BRINP3: variants seen among roughly 807,000 people sequenced by gnomAD.
The protein encoded by BRINP3 is BMP/retinoic acid-inducible neural-specific protein 3.
BRINP3 carries 19 observed loss-of-function variants against 71.0 expected under a neutral mutation model. That is an observed-to-expected ratio of 0.27 (90% CI 0.19 to 0.39). The LOEUF (loss-of-function observed/expected upper bound fraction) is 0.39. BRINP3 is among the 10% of genes least tolerant of loss of function. The pLI, the probability that BRINP3 is intolerant of heterozygous loss-of-function variation, is 1.00. For synonymous variants in BRINP3, 380 were observed against 337.7 expected (o/e 1.13, Z -1.37); for missense variants, 959 against 940.8 (o/e 1.02, Z -0.25).
chr1:190,476,366 G>A (rs1465067222), intron 1 of BRINP3, among the ~76,000 whole-genome samples: 1 of 152,116 alleles, frequency 6.6e-6, no homozygotes, highest in African/African-American at 2.4e-5. Context: ...AGGGCGGGGG[G>A]CGGATGTTCA....
chr1:190,206,862 A>C (rs1179977826), intron 6 of BRINP3, among the ~76,000 whole-genome samples: 1 of 152,100 alleles, frequency 6.6e-6, no homozygotes, highest in Non-Finnish European at 1.5e-5. Flanking sequence ...AAAGCAAAGA[A>C]GATATGATAG....
intron 7 of BRINP3, among the ~76,000 whole-genome samples, chr1:190,147,404 T>A (rs1304728853): frequency 1.3e-5 from 2 of 152,128 alleles, no homozygotes; most frequent in African/African-American, 4.8e-5. Flanking sequence ...AGTTGATTAT[T>A]CTATTAATTT....
chr1:190,338,489 G>T (rs1667436685), intron 2 of BRINP3, among the ~76,000 whole-genome samples: 1 of 151,928 alleles, frequency 6.6e-6, no homozygotes. Context: ...TAGTTTATTT[G>T]TACCGGCACT....
intron 3 of BRINP3, among the ~76,000 whole-genome samples, chr1:190,280,917 T>C (rs548737100): frequency 2.6e-5 from 4 of 152,048 alleles, no homozygotes; most frequent in Admixed American, 2.0e-4. Flanking sequence ...AAAGGTCATT[T>C]AAGTATATTC....
At chr1:190,327,430 TAAC>T (rs1182184093) in intron 2 of BRINP3, among the ~76,000 whole-genome samples, 2 of 73,340 alleles carry the variant, frequency 2.7e-5, no homozygotes, top group African/African-American at 1.0e-4. Context: ...TCACACATAA[TAAC>T]AACCATAGGC....
intron 4 of BRINP3, among the ~76,000 whole-genome samples, chr1:190,254,099 G>A (rs1558113154): frequency 6.6e-6 from 1 of 151,976 alleles, no homozygotes; most frequent in Non-Finnish European, 1.5e-5. Flanking sequence ...CTATTTCTGA[G>A]GCCTCTGTTC....
chr1:190,408,007 T>G (rs1029969269), intron 2 of BRINP3, among the ~76,000 whole-genome samples: 12 of 146,954 alleles, frequency 8.2e-5, no homozygotes, highest in Non-Finnish European at 1.8e-4. Context: ...GTACTTTCTT[T>G]TCTACATTTG....
chr1:190,340,643 G>A (rs1230593808), intron 2 of BRINP3, among the ~76,000 whole-genome samples: 3 of 151,746 alleles, frequency 2.0e-5, no homozygotes, highest in African/African-American at 7.2e-5. Flanking sequence ...TGGCTATAAT[G>A]AGTAACACCA....
chr1:190,376,303 G>A (rs1341772180), intron 2 of BRINP3, among the ~76,000 whole-genome samples: 6 of 151,932 alleles, frequency 3.9e-5, no homozygotes, highest in East Asian at 1.9e-4. Flanking sequence ...TATCTAGAAC[G>A]TTCAATGCAG....
chr1:190,158,830 G>T (rs1448006034), intron 7 of BRINP3, among the ~76,000 whole-genome samples: 1 of 151,414 alleles, frequency 6.6e-6, no homozygotes. Flanking sequence ...ATGAAAATGA[G>T]GTTGAAAAAC....
At chr1:190,196,862 T>C in intron 6 of BRINP3, among the ~76,000 whole-genome samples, 1 of 151,608 alleles carries the variant, frequency 6.6e-6, no homozygotes, top group East Asian at 1.9e-4. Context: ...TTAACATTGA[T>C]ATTTCTCCTT....
At chr1:190,175,494 C>A (rs1487078076) in intron 6 of BRINP3, among the ~76,000 whole-genome samples, 1 of 152,130 alleles carries the variant, frequency 6.6e-6, no homozygotes, top group Non-Finnish European at 1.5e-5. Flanking sequence ...ACTAGACTCT[C>A]AATTTCCAGG....
At chr1:190,413,748 C>G (rs1342850432) in intron 2 of BRINP3, among the ~76,000 whole-genome samples, 1 of 152,048 alleles carries the variant, frequency 6.6e-6, no homozygotes, top group Non-Finnish European at 1.5e-5. Flanking sequence ...TTATTTTAAG[C>G]CACCAAGATT....
At chr1:190,155,967 C>A (rs1656829561) in intron 7 of BRINP3, among the ~76,000 whole-genome samples, 1 of 152,036 alleles carries the variant, frequency 6.6e-6, no homozygotes, top group Non-Finnish European at 1.5e-5. Flanking sequence ...GCAGACAATA[C>A]AATTGCTGTA....
chr1:190,278,989 T>C (rs1662838812), intron 3 of BRINP3, among the ~76,000 whole-genome samples: 1 of 151,796 alleles, frequency 6.6e-6, no homozygotes, highest in Admixed American at 6.6e-5. Flanking sequence ...AGAATGTCTA[T>C]GGAACCATTG....
At chr1:190,371,131 A>G (rs1387732705) in intron 2 of BRINP3, among the ~76,000 whole-genome samples, 2 of 152,052 alleles carry the variant, frequency 1.3e-5, no homozygotes, top group African/African-American at 4.8e-5. Context: ...TAGGTAGACT[A>G]CTCACTCTGT....
chr1:190,449,259 C>T (rs1465728226), intron 2 of BRINP3, among the ~76,000 whole-genome samples: 1 of 151,912 alleles, frequency 6.6e-6, no homozygotes, highest in Non-Finnish European at 1.5e-5. Context: ...CCTCCAAACT[C>T]CTTTTTATTT....
chr1:190,185,847 A>T (rs1163024578), intron 6 of BRINP3, among the ~76,000 whole-genome samples: 1 of 152,146 alleles, frequency 6.6e-6, no homozygotes, highest in Non-Finnish European at 1.5e-5. Context: ...AAGGATATTT[A>T]AAAGTACAGT....
intron 6 of BRINP3, among the ~76,000 whole-genome samples, chr1:190,166,133 G>A (rs898787838): frequency 6.6e-6 from 1 of 152,066 alleles, no homozygotes; most frequent in Non-Finnish European, 1.5e-5. Flanking sequence ...TAAGCCATGG[G>A]TATAGAGTTT....
Sources: gnomAD v4.1 joint callset for allele counts (sites outside exome capture counted in the v4.1 genomes callset) on GRCh38, gnomAD v4.1.1 for gene constraint, MANE v1.5 for transcripts, NCBI Gene and HGNC (gene_info 2026-07-23, HGNC 2026-07-21) for gene names.